Variants in SPTLC2 observed in about 807,000 individuals in gnomAD.
SPTLC2 encodes the protein serine palmitoyltransferase long chain base subunit 2, also known as serine palmitoyltransferase 2.
Under a neutral mutation model 62.0 loss-of-function variants are expected in SPTLC2, and 21 were observed. The observed-to-expected ratio is 0.34, with a 90% CI of 0.24 to 0.49. The LOEUF (loss-of-function observed/expected upper bound fraction) is 0.49. Ranked by LOEUF, SPTLC2 falls within the 20% of genes least tolerant of loss-of-function variation. The pLI, the probability that SPTLC2 is intolerant of heterozygous loss-of-function variation, is 0.99. For missense variants in SPTLC2, 511 were observed against 713.0 expected (o/e 0.72, Z 3.23); for synonymous variants, 261 against 261.8 (o/e 1.00, Z 0.03).
chr14:77,582,463 A>G (rs527315891), intron 2 of SPTLC2, among the ~76,000 whole-genome samples: 11 of 152,224 alleles, frequency 7.2e-5, no homozygotes, highest in Non-Finnish European at 1.6e-4. Flanking sequence ...TAGCAACAAA[A>G]GCAATATTTT....
At chr14:77,542,039 A>G (rs975802157) in intron 9 of SPTLC2, among the ~76,000 whole-genome samples, 1 of 149,552 alleles carries the variant, frequency 6.7e-6, no homozygotes. Context: ...CCTGGGCAAC[A>G]GAGTGAGACA....
At chr14:77,528,730 T>C (rs966328123) in intron 9 of SPTLC2, among the ~76,000 whole-genome samples, 2 of 152,162 alleles carry the variant, frequency 1.3e-5, no homozygotes, top group Non-Finnish European at 2.9e-5. Flanking sequence ...TAATAGCAAA[T>C]TGTGGTTATT....
Position 77,534,176 on chromosome 14 carries a change from TCTCACACACACACA to T in SPTLC2, c.1304-12609_1304-12596del, listed in dbSNP as rs1369857212. Among the ~76,000 whole-genome samples, 42 of 110,646 alleles carry T rather than the reference TCTCACACACACACA, an allele frequency of 3.8e-4. 1 individual carries two copies. In the East Asian group the frequency reaches 0.01, roughly 27 times the overall value. The allele number at this position is 110,646 out of a possible 152,430, so 72.6% of individuals were successfully genotyped here. A position where few individuals can be genotyped will look rare whatever the true frequency, so the allele number is the denominator to read the frequency against. ...CTGTCTCTCTCTCTTTCTCTCTCTC[TCTCACACACACACA>T]CACACACACACACACACACACACAC... On this transcript the variant is annotated intron_variant, in intron 9 of 11. Transcript: ENST00000216484.
chr14:77,532,763 A>T (rs186556713), intron 9 of SPTLC2, among the ~76,000 whole-genome samples: 2 of 151,938 alleles, frequency 1.3e-5, no homozygotes, highest in Admixed American at 1.3e-4. Flanking sequence ...CAGCCTGGGC[A>T]ACAGAGCAAG....
At chr14:77,550,512 T>C (rs745999978) in intron 9 of SPTLC2, among the ~76,000 whole-genome samples, 1 of 151,754 alleles carries the variant, frequency 6.6e-6, no homozygotes, top group Non-Finnish European at 1.5e-5. Flanking sequence ...GAGGCAGAGA[T>C]TGTGGTGAGC....
At position 77,509,974 on chromosome 14, in the gene SPTLC2, A is replaced by T. The variant is rs1046500218; in HGVS notation, c.*2310T>A. 1.5e-5 allele frequency: 6 copies of T among 398,294 alleles called. No homozygotes were observed. The highest frequency in any genetic ancestry group is 2.7e-5 in the Non-Finnish European group (6 of 225,970). The allele number at this position is 398,294 out of a possible 1,614,324, so 24.7% of individuals were successfully genotyped here. A position where few individuals can be genotyped will look rare whatever the true frequency, so the allele number is the denominator to read the frequency against. On this transcript the variant is annotated 3_prime_UTR_variant, in exon 12 of 12. Transcript: ENST00000216484. Reference sequence around the variant, plus strand: ...AATAAAAAGACTAGCAGGTAAGTTCATTGCTTATAAGTTTGTGACTTTTAC... The same window carrying T: ...AATAAAAAGACTAGCAGGTAAGTTCTTTGCTTATAAGTTTGTGACTTTTAC...
At chr14:77,545,737 G>A (rs2079525116) in intron 9 of SPTLC2, among the ~76,000 whole-genome samples, 1 of 152,158 alleles carries the variant, frequency 6.6e-6, no homozygotes, top group African/African-American at 2.4e-5. Context: ...ATTATGTGAA[G>A]GTTTAGAAAG....
intron 2 of SPTLC2, 73 bp downstream of exon 2, chr14:77,597,113 G>A (rs2140056074): frequency 1.3e-6 from 2 of 1,489,618 alleles, no homozygotes; most frequent in African/African-American, 2.8e-5. Context: ...CTGAGAAAAA[G>A]CTTTTGTGCA....
rs145446328 is a variant in SPTLC2 at position 77,563,202 on chromosome 14, T to C, written c.757-713A>G. ...CAAAAATAGCCTCATAATATCCAAT[T>C]AGATGAAAAGGGTGCAGAAAGTATA... is the stretch of plus-strand genomic sequence containing the variant. On this transcript the variant is annotated intron_variant, in intron 5 of 11. Coordinates refer to ENST00000216484, the MANE Select transcript of SPTLC2 (RefSeq NM_004863.4). Among the ~76,000 whole-genome samples, 713 of 152,008 alleles carry C rather than the reference T, an allele frequency of 4.7e-3. 3 individuals carry two copies. The highest frequency in any genetic ancestry group is 8.4e-3 in the Non-Finnish European group (569 of 67,956).
intron 4 of SPTLC2, 144 bp downstream of exon 4, chr14:77,576,623 T>G: frequency 4.3e-6 from 5 of 1,155,422 alleles, no homozygotes; most frequent in Non-Finnish European, 6.3e-6. Context: ...CCATCACACT[T>G]CAGAAAAACA....
chr14:77,565,319 G>C (rs35928833), intron 5 of SPTLC2, among the ~76,000 whole-genome samples: 8,561 of 145,318 alleles, frequency 0.059, 804 homozygotes, highest in African/African-American at 0.2. Context: ...GCATACTAAA[G>C]TTAGTGGGTG....
intron 5 of SPTLC2, among the ~76,000 whole-genome samples, chr14:77,568,807 CAAAAA>C (rs35640441): frequency 8.0e-5 from 5 of 62,398 alleles, no homozygotes; most frequent in Non-Finnish European, 1.7e-4. Flanking sequence ...GACTCTGTCT[CAAAAA>C]AAAAAAAAAA....
chr14:77,539,506 T>TTTTTTTTTTG (rs374182497), intron 9 of SPTLC2, among the ~76,000 whole-genome samples: 2 of 80,102 alleles, frequency 2.5e-5, no homozygotes, highest in African/African-American at 4.0e-5. Context: ...TTTTTTTTTT[T>TTTTTTTTTTG]GGAGATGGGG....
chr14:77,528,519 C>G (rs2079420198), intron 9 of SPTLC2, among the ~76,000 whole-genome samples: 1 of 152,198 alleles, frequency 6.6e-6, no homozygotes, highest in South Asian at 2.1e-4. Context: ...GCATGAGGCA[C>G]TGCGCCCAGC....
chr14:77,608,258 A>C (rs2043018565), intron 1 of SPTLC2, among the ~76,000 whole-genome samples: 1 of 152,174 alleles, frequency 6.6e-6, no homozygotes, highest in Non-Finnish European at 1.5e-5. Context: ...AACCTGATAC[A>C]CTATAAATTA....
intron 9 of SPTLC2, among the ~76,000 whole-genome samples, chr14:77,526,799 CTT>C (rs11439888): frequency 2.1e-5 from 3 of 146,006 alleles, no homozygotes; most frequent in East Asian, 2.0e-4. Context: ...TTATTTAGTT[CTT>C]TTTTTTTTTT....
intron 1 of SPTLC2, among the ~76,000 whole-genome samples, chr14:77,615,152 C>T (rs1440229022): frequency 6.6e-6 from 1 of 152,164 alleles, no homozygotes; most frequent in Non-Finnish European, 1.5e-5. Flanking sequence ...TTATAATGAG[C>T]TGACTGTTAT....
At chr14:77,516,797 A>G (rs1467594983) in intron 11 of SPTLC2, among the ~76,000 whole-genome samples, 1 of 152,240 alleles carries the variant, frequency 6.6e-6, no homozygotes, top group African/African-American at 2.4e-5. Flanking sequence ...TCTTACTACA[A>G]TTTTGTTTTT....
At chr14:77,558,037 T>C (rs1159919260) in intron 6 of SPTLC2, among the ~76,000 whole-genome samples, 2 of 146,962 alleles carry the variant, frequency 1.4e-5, no homozygotes, top group African/African-American at 5.0e-5. Flanking sequence ...GTGGGAGACA[T>C]CCTATCATAA....
Sources: allele counts gnomAD v4.1 joint callset (sites outside exome capture counted in the v4.1 genomes callset), GRCh38; gene constraint gnomAD v4.1.1; transcripts MANE v1.5; gene names NCBI Gene and HGNC (gene_info 2026-07-23, HGNC 2026-07-21).